MPRIP: variants seen among roughly 807,000 people sequenced by gnomAD.
MPRIP encodes the protein myosin phosphatase Rho interacting protein, also known as myosin phosphatase Rho-interacting protein.
A neutral mutation model predicts 234.9 loss-of-function variants in MPRIP; 59 were observed. The observed-to-expected ratio is 0.25, with a 90% CI of 0.20 to 0.31. The LOEUF (loss-of-function observed/expected upper bound fraction) is 0.31, where lower values mean the gene tolerates loss of function less well. MPRIP is among the 10% of genes least tolerant of loss of function. The probability of loss-of-function intolerance (pLI) is 1.00; values close to 1 mark genes in which losing one functional copy is unlikely to be tolerated. For synonymous variants in MPRIP, 1,144 were observed against 1,263.9 expected, an observed-to-expected ratio of 0.91 and a Z score of 2.01; for missense variants, 2,436 against 3,071.0, an observed-to-expected ratio of 0.79 and a Z score of 4.89.
chr17:17,137,797 G>C (rs1242359809), intron 6 of MPRIP, 119 bp from the exon 7 acceptor site: 1 of 775,562 alleles, frequency 1.3e-6, no homozygotes, highest in Non-Finnish European at 2.0e-6. Context: ...CTGGATGTTA[G>C]AGACGGGAGG....
intron 3 of MPRIP, among the ~76,000 whole-genome samples, chr17:17,092,738 A>ATCTC (rs138948592): frequency 6.6e-6 from 1 of 150,678 alleles, no homozygotes. Context: ...CTTGTTCTCT[A>ATCTC]TCTCTCTCTC....
chr17:17,126,976 G>GCT (rs2090503326), intron 4 of MPRIP, 123 bp downstream of exon 4: 1 of 1,231,594 alleles, frequency 8.1e-7, no homozygotes, highest in Admixed American at 2.2e-5. Context: ...CTATTCTTGG[G>GCT]CTCTGTCTCT....
chr17:17,164,290 G>T lies in MPRIP; in HGVS notation c.2699G>T (p.Arg900Leu), dbSNP rs763348480. 7.7e-7 allele frequency: 1 copy of T among 1,304,152 alleles called. No individual in the cohort carries two copies. The highest frequency in any genetic ancestry group is 1.0e-6 in the Non-Finnish European group (1 of 988,966). 80.8% of individuals were successfully genotyped at this position (1,304,152 alleles called of 1,614,324 possible). A position where few individuals can be genotyped will look rare whatever the true frequency, so the allele number is the denominator to read the frequency against. ...DTIRHHEAEI[R>L]SLQARLSNAA... ...ATCCGGCACCACGAGGCTGAGATCCGGAGCCTTCAGGCACGGCTCAGCAAT... is the reference window on the plus strand; with the variant it reads ...ATCCGGCACCACGAGGCTGAGATCCTGAGCCTTCAGGCACGGCTCAGCAAT... Residue 900 changes from arginine (R) to leucine (L), a missense_variant, in exon 16 of 24, where the codon CGG (arginine) becomes CTG (leucine). This residue lies in a region of MPRIP where 1,998 missense variants were observed against 2,520.3 expected (regional missense o/e 0.79). Transcript: ENST00000651222.
intron 23 of MPRIP, chr17:17,181,466 T>A (rs2046373213): frequency 6.6e-6 from 1 of 152,304 alleles, no homozygotes; most frequent in Non-Finnish European, 1.5e-5. Flanking sequence ...TTGAAGGTTT[T>A]AAGCCTAGTC....
rs573184642 is a variant in MPRIP, at chr17:17,177,242, C to T, written c.6958-8C>T. 5.6e-6 allele frequency: 9 copies of T among 1,609,680 alleles called. 1 individual carries two copies. The highest frequency in any genetic ancestry group is 2.7e-5 in the African/African-American group (2 of 74,848). On this transcript the variant is annotated splice_polypyrimidine_tract_variant and splice_region_variant and intron_variant, in intron 21 of 23. Coordinates refer to ENST00000651222, the MANE Select transcript of MPRIP (RefSeq NM_001364716.4). ...GTAACTACCATTCTCTGTCATTTCA[C>T]TCCCAAGGACAAGAAGTACGCAAGT...
At chr17:17,117,398 C>T (rs1453786509) in intron 3 of MPRIP, among the ~76,000 whole-genome samples, 2 of 152,232 alleles carry the variant, frequency 1.3e-5, no homozygotes, top group East Asian at 1.9e-4. Flanking sequence ...GGCAACCACT[C>T]CTCTGCTTTT....
intron 3 of MPRIP, among the ~76,000 whole-genome samples, chr17:17,115,225 C>G (rs2090260158): frequency 6.6e-6 from 1 of 152,254 alleles, no homozygotes; most frequent in Non-Finnish European, 1.5e-5. Flanking sequence ...AGCGGTAGCT[C>G]TGCGTCTGTG....
chr17:17,177,373 G>C lies in MPRIP; in HGVS notation c.7081G>C (p.Gly2361Arg), dbSNP rs768529955. 1.2e-6 allele frequency: 2 copies of C among 1,613,860 alleles called. No homozygotes were observed. Among genetic ancestry groups the C allele is most frequent in the East Asian group, 2.2e-5 (1 of 44,886 alleles). ...GCTCAAGGCTGCAACGGAAGCACTGGGGGAGAAGTCCCCTGACAGTGCCAC... is the reference window on the plus strand; with the variant it reads ...GCTCAAGGCTGCAACGGAAGCACTGCGGGAGAAGTCCCCTGACAGTGCCAC... ...EQLKAATEAL[G>R]EKSPDSATVS... The change falls in exon 22 of 24, where the codon GGG becomes CGG. Residue 2361 changes from glycine to arginine, a missense_variant. Around this residue, in one of 4 missense-constraint regions of MPRIP, gnomAD observed 1,998 missense variants for 2,520.3 expected, o/e 0.79. Coordinates refer to ENST00000651222, the MANE Select transcript of MPRIP (RefSeq NM_001364716.4).
intron 3 of MPRIP, among the ~76,000 whole-genome samples, chr17:17,122,936 T>C (rs1597842120): frequency 6.6e-6 from 1 of 152,178 alleles, no homozygotes; most frequent in Non-Finnish European, 1.5e-5. Context: ...AGCAGCACTA[T>C]ACACAGTAGC....
intron 1 of MPRIP, among the ~76,000 whole-genome samples, chr17:17,070,454 T>C (rs2089165575): frequency 6.6e-6 from 1 of 152,230 alleles, no homozygotes; most frequent in East Asian, 1.9e-4. Flanking sequence ...TTTTCCTGTC[T>C]GTTTTTCCTC....
intron 3 of MPRIP, among the ~76,000 whole-genome samples, chr17:17,086,970 CCCAGT>C (rs1479034956): frequency 2.0e-5 from 3 of 152,100 alleles, no homozygotes; most frequent in Non-Finnish European, 4.4e-5. Flanking sequence ...GGGCTTGGGA[CCCAGT>C]CTTATAAGTC....
chr17:17,144,195 C>T (rs1243358155), intron 9 of MPRIP, among the ~76,000 whole-genome samples: 1 of 152,220 alleles, frequency 6.6e-6, no homozygotes, highest in African/African-American at 2.4e-5. Flanking sequence ...AGCTCCTACC[C>T]GCTCTGTCTT....
chr17:17,152,045 C>G (rs1017486915), intron 12 of MPRIP, among the ~76,000 whole-genome samples: 1 of 152,212 alleles, frequency 6.6e-6, no homozygotes, highest in Non-Finnish European at 1.5e-5. Context: ...AAGTATAGAC[C>G]CAAAGGCCAG....
At position 17,192,426 on chromosome 17, in the gene MPRIP, T is replaced by TGGGG. The variant is rs1157972241; in HGVS notation, c.*7532_*7533insGGGG. ...GACCAGCTGAGCTGCTGCTTTTTTT[T>TGGGG]TGGGGGGGGGGGGGGGAGGGGCGTC... On this transcript the variant is annotated 3_prime_UTR_variant, in exon 24 of 24. Coordinates refer to ENST00000651222, the MANE Select transcript of MPRIP (RefSeq NM_001364716.4). 3.4e-4 allele frequency: 1 copy of TGGGG among 2,960 alleles called. No individual in the cohort carries two copies. Among genetic ancestry groups the TGGGG allele is most frequent in the Non-Finnish European group, 7.4e-4 (1 of 1,352 alleles). 0.2% of individuals were successfully genotyped at this position (2,960 alleles called of 1,614,324 possible).
chr17:17,084,576 G>A (rs2089542828), intron 3 of MPRIP, among the ~76,000 whole-genome samples: 1 of 152,254 alleles, frequency 6.6e-6, no homozygotes, highest in Non-Finnish European at 1.5e-5. Context: ...GACTCCTGCT[G>A]AGAGAGGGAT....
chr17:17,156,004 T>C (rs910073925), intron 13 of MPRIP, among the ~76,000 whole-genome samples: 7 of 152,216 alleles, frequency 4.6e-5, no homozygotes, highest in African/African-American at 1.7e-4. Flanking sequence ...GCCCAAGCTA[T>C]TGGCAGCAGA....
chr17:17,055,118 G>C (rs952670910), intron 1 of MPRIP, among the ~76,000 whole-genome samples: 4 of 151,934 alleles, frequency 2.6e-5, no homozygotes, highest in African/African-American at 9.7e-5. Context: ...CATCAGCTTA[G>C]GATTTAATGT....
chr17:17,144,416 T>C (rs557261015), intron 9 of MPRIP, among the ~76,000 whole-genome samples: 3 of 152,350 alleles, frequency 2.0e-5, no homozygotes, highest in Non-Finnish European at 4.4e-5. Flanking sequence ...AAACTCCTTG[T>C]TTCTCTGTTA....
Position 17,154,423 on chromosome 17 carries a change from G to A in MPRIP, c.1829+8G>A, listed in dbSNP as rs766467869. The A allele has an allele frequency of 1.2e-6, 2 of 1,612,992 alleles. No individual in the cohort carries two copies. Among genetic ancestry groups the A allele is most frequent in the Non-Finnish European group, 1.7e-6 (2 of 1,179,128 alleles). On this transcript the variant is annotated splice_region_variant and intron_variant, in intron 13 of 23. Transcript: ENST00000651222. ...TGCCCCGGATGTGACCAGGTAGGATGGTGAAGACACCAGGGAGCCCTTTGT... is the reference window on the plus strand; with the variant it reads ...TGCCCCGGATGTGACCAGGTAGGATAGTGAAGACACCAGGGAGCCCTTTGT...
Sources: gnomAD v4.1 joint callset for allele counts (sites outside exome capture counted in the v4.1 genomes callset) on GRCh38, gnomAD v4.1.1 for gene constraint, gnomAD v4.1.1 regional missense constraint, MANE v1.5 for transcripts, NCBI Gene and HGNC (gene_info 2026-07-23, HGNC 2026-07-21) for gene names.